Variants in LARGE1 observed in about 807,000 individuals in gnomAD.
LARGE1 encodes xylosyl- and glucuronyltransferase LARGE1.
Under a neutral mutation model 87.6 loss-of-function variants are expected in LARGE1, and 43 were observed. That is an observed-to-expected ratio of 0.49 (90% confidence interval 0.38 to 0.63). The LOEUF (loss-of-function observed/expected upper bound fraction) is 0.63. LARGE1 is among the 30% of genes least tolerant of loss of function. The pLI is 0.00. For synonymous variants in LARGE1, 434 were observed against 394.6 expected (o/e 1.10, Z -1.18); for missense variants, 802 against 1,000.2 (o/e 0.80, Z 2.67).
chr22:33,770,891 T>A (rs2085048874), intron 1 of LARGE1, among the ~76,000 whole-genome samples: 3 of 152,124 alleles, frequency 2.0e-5, no homozygotes, highest in African/African-American at 7.2e-5. Context: ...GTGACCATTC[T>A]CACATTCTTC....
At chr22:33,358,646 T>C (rs978169423) in intron 9 of LARGE1, among the ~76,000 whole-genome samples, 13 of 152,160 alleles carry the variant, frequency 8.5e-5, no homozygotes, top group African/African-American at 3.1e-4. Flanking sequence ...GTGTACTCAA[T>C]TACCAATTTA....
rs1010205800 is a variant in LARGE1, at chr22:33,362,046, C to T, written c.1131+19873G>A. Among the ~76,000 whole-genome samples the T allele has an allele frequency of 2.7e-5, 4 of 149,512 alleles. 1 individual carries two copies. The highest frequency in any genetic ancestry group is 6.0e-5 in the Non-Finnish European group (4 of 67,086). ...CTAGAGCAAAGTTTCACAGAATTCT[C>T]TCATGCTCCTTTCTGTAAACCAGCA... On this transcript the variant is annotated intron_variant, in intron 9 of 14. Coordinates refer to ENST00000397394, the MANE Select transcript of LARGE1 (RefSeq NM_133642.5).
intron 1 of LARGE1, among the ~76,000 whole-genome samples, chr22:33,902,856 G>A (rs374783785): frequency 2.0e-5 from 3 of 152,310 alleles, no homozygotes; most frequent in East Asian, 3.9e-4. Context: ...TTAAGGCTGG[G>A]CGCAGTGGCT....
At chr22:33,568,313 GA>G (rs1430512649) in intron 5 of LARGE1, among the ~76,000 whole-genome samples, 1 of 152,192 alleles carries the variant, frequency 6.6e-6, no homozygotes, top group Non-Finnish European at 1.5e-5. Context: ...AACCCTAACG[GA>G]AACCAGAGCG....
chr22:33,877,648 C>A (rs2157112), intron 1 of LARGE1, among the ~76,000 whole-genome samples: 260 of 151,858 alleles, frequency 1.7e-3, no homozygotes, highest in Non-Finnish European at 2.2e-3. Context: ...ACAGGCTGGG[C>A]ACGGTGGCTC....
chr22:33,232,249 T>G (rs1926044358), intron 11 of LARGE1, among the ~76,000 whole-genome samples: 1 of 152,218 alleles, frequency 6.6e-6, no homozygotes, highest in Non-Finnish European at 1.5e-5. Flanking sequence ...TCTGTGCCAA[T>G]TTGTCAAAAC....
At chr22:33,520,975 G>A (rs770844430) in intron 6 of LARGE1, among the ~76,000 whole-genome samples, 1 of 152,210 alleles carries the variant, frequency 6.6e-6, no homozygotes, top group Non-Finnish European at 1.5e-5. Context: ...TGTCTTTGCT[G>A]GCAGGTGAGC....
intron 1 of LARGE1, among the ~76,000 whole-genome samples, chr22:33,811,743 C>T (rs1322286577): frequency 6.6e-6 from 1 of 152,128 alleles, no homozygotes; most frequent in Non-Finnish European, 1.5e-5. Context: ...ATCAAAGAGG[C>T]TCTAGCAGGG....
intron 1 of LARGE1, among the ~76,000 whole-genome samples, chr22:33,827,016 C>A (rs2146300217): frequency 6.6e-6 from 1 of 152,162 alleles, no homozygotes; most frequent in East Asian, 1.9e-4. Context: ...CCAGAAGATG[C>A]AGCCTATCAA....
the LARGE1 span, among the ~76,000 whole-genome samples, chr22:33,140,058 G>C: frequency 6.6e-6 from 1 of 152,326 alleles, no homozygotes; most frequent in South Asian, 2.1e-4. Context: ...GGTGGGAGAG[G>C]TTAGAGCCCC....
the LARGE1 span, among the ~76,000 whole-genome samples, chr22:33,111,503 A>G: frequency 1.3e-5 from 2 of 151,860 alleles, no homozygotes; most frequent in Non-Finnish European, 2.9e-5. Context: ...TGACCTTCCC[A>G]CCCCCAAAGG....
chr22:33,772,750 G>A (rs545853726), intron 1 of LARGE1, among the ~76,000 whole-genome samples: 10 of 152,040 alleles, frequency 6.6e-5, no homozygotes, highest in South Asian at 2.1e-4. Flanking sequence ...TCGCTGCTGC[G>A]CCCACTAGAT....
chr22:33,149,858 A>T, the LARGE1 span, among the ~76,000 whole-genome samples: 451 of 152,276 alleles, frequency 3.0e-3, 1 homozygote, highest in South Asian at 6.8e-3. Context: ...AGAGCCAGCA[A>T]TGCATCATTG....
chr22:33,494,732 AGGTTACTT>A (rs1330636306), intron 6 of LARGE1, among the ~76,000 whole-genome samples: 3 of 152,210 alleles, frequency 2.0e-5, no homozygotes, highest in Non-Finnish European at 4.4e-5. Context: ...CAAAGCCACT[AGGTTACTT>A]GGCATCTCTG....
chr22:33,800,724 G>A (rs755271303), intron 1 of LARGE1, among the ~76,000 whole-genome samples: 8 of 152,118 alleles, frequency 5.3e-5, no homozygotes, highest in Non-Finnish European at 1.0e-4. Context: ...CACGCATCAA[G>A]TTCATTCCTT....
intron 1 of LARGE1, among the ~76,000 whole-genome samples, chr22:33,792,597 G>T (rs929889641): frequency 6.6e-6 from 1 of 151,970 alleles, no homozygotes; most frequent in Non-Finnish European, 1.5e-5. Context: ...GGATATTGGG[G>T]AATCAGAAAA....
intron 7 of LARGE1, among the ~76,000 whole-genome samples, chr22:33,429,472 C>A (rs1011599683): frequency 6.6e-6 from 1 of 152,066 alleles, no homozygotes; most frequent in Non-Finnish European, 1.5e-5. Flanking sequence ...ATGCTACATT[C>A]TATAGCAAAT....
chr22:33,257,001 T>C (rs946116074), intron 11 of LARGE1, among the ~76,000 whole-genome samples: 2 of 151,898 alleles, frequency 1.3e-5, no homozygotes, highest in African/African-American at 4.8e-5. Flanking sequence ...AGATTGGGAG[T>C]TCGAGACCAG....
chr22:33,083,243 T>C, the LARGE1 span, among the ~76,000 whole-genome samples: 1 of 152,328 alleles, frequency 6.6e-6, no homozygotes, highest in South Asian at 2.1e-4. Context: ...CAAGTCTCTG[T>C]TCTTTCACTA....
Sources: allele counts gnomAD v4.1 joint callset (sites outside exome capture counted in the v4.1 genomes callset), GRCh38; gene constraint gnomAD v4.1.1; transcripts MANE v1.5; gene names NCBI Gene and HGNC (gene_info 2026-07-23, HGNC 2026-07-21).